TK2: variants seen among roughly 807,000 people sequenced by gnomAD.
TK2 encodes the protein thymidine kinase 2, mitochondrial.
In TK2, 35 loss-of-function variants were observed where a neutral mutation model predicts 41.9. The ratio of observed to expected loss-of-function variants is 0.84; its 90% CI spans 0.64 to 1.11. TK2 has a LOEUF of 1.11. Among genes scored for constraint, TK2 ranks in the 50% least tolerant of loss-of-function variants. The pLI, the probability that TK2 is intolerant of heterozygous loss-of-function variation, is 0.00. For synonymous variants in TK2, 128 were observed against 129.1 expected (o/e 0.99, Z 0.06); for missense variants, 320 against 351.1 (o/e 0.91, Z 0.71).
At chr16:66,534,019 A>AAAG (rs1432281264) in intron 4 of TK2, among the ~76,000 whole-genome samples, 1 of 151,198 alleles carries the variant, frequency 6.6e-6, no homozygotes, top group East Asian at 1.9e-4. Flanking sequence ...AAAAAAAAAA[A>AAAG]AAAAAAAAGA....
At chr16:66,538,276 C>T (rs1348442054) in intron 3 of TK2, among the ~76,000 whole-genome samples, 1 of 152,132 alleles carries the variant, frequency 6.6e-6, no homozygotes, top group Non-Finnish European at 1.5e-5. Context: ...GACCAGCATT[C>T]CCACCCCATT....
intron 6 of TK2, among the ~76,000 whole-genome samples, chr16:66,519,915 C>T (rs1964730769): frequency 6.6e-6 from 1 of 152,196 alleles, no homozygotes; most frequent in East Asian, 1.9e-4. Context: ...GTGAGGCAGG[C>T]ACTCTGGGAG....
chr16:66,549,345 G>C, intron 1 of TK2: 1 of 1,151,994 alleles, frequency 8.7e-7, no homozygotes, highest in Non-Finnish European at 1.1e-6. Context: ...GCGGTGCACG[G>C]GGAAGAGTGG....
rs1178715756 is a variant in TK2, at chr16:66,549,935, T to C, written c.124+3A>G. 2 of 1,353,506 alleles carry C rather than the reference T, an allele frequency of 1.5e-6. No individual in the cohort carries two copies. Among genetic ancestry groups the C allele is most frequent in the East Asian group, 3.0e-5 (1 of 33,890 alleles). 83.8% of individuals were successfully genotyped at this position (1,353,506 alleles called of 1,614,324 possible). A position where few individuals can be genotyped will look rare whatever the true frequency, so the allele number is the denominator to read the frequency against. ...TGGGAGGCGGGACCAAGACGCGCGT[T>C]ACCGGGAGGCCAGGCCCGGCGCTGC... On this transcript the variant is annotated splice_donor_region_variant and intron_variant, in intron 1 of 9. Transcript: ENST00000544898.
chr16:66,542,117 T>C (rs1456829390), intron 2 of TK2, among the ~76,000 whole-genome samples, 164 bp from the exon 3 acceptor site: 2 of 152,212 alleles, frequency 1.3e-5, no homozygotes, highest in Non-Finnish European at 2.9e-5. Flanking sequence ...AAGGTCCCAT[T>C]GTTAGTAATA....
chr16:66,520,675 G>A (rs933701735), intron 6 of TK2, among the ~76,000 whole-genome samples: 2 of 152,182 alleles, frequency 1.3e-5, no homozygotes, highest in African/African-American at 4.8e-5. Context: ...ATGAGGACAC[G>A]AACAGGATGC....
intron 6 of TK2, 115 bp downstream of exon 6, chr16:66,528,879 T>C (rs1965017932): frequency 3.1e-6 from 3 of 982,230 alleles, no homozygotes; most frequent in Non-Finnish European, 3.2e-6. Context: ...GCTATGGCAA[T>C]GGATAACTGA....
At position 66,518,159 on chromosome 16, in the gene TK2, T is replaced by C. The variant is rs2144357877; in HGVS notation, c.450-282A>G. The stretch of plus-strand genomic sequence containing the variant: ...GAACTCTAAGCAGAGAAAGGGACTT[T>C]AAAGCTTGTACCCTGAGAACAGAGA... On this transcript the variant is annotated intron_variant, in intron 6 of 9. Coordinates refer to ENST00000544898, the MANE Select transcript of TK2 (RefSeq NM_004614.5). 4.4e-6 allele frequency: 2 copies of C among 454,112 alleles called. 1 individual carries two copies. Among genetic ancestry groups the C allele is most frequent in the South Asian group, 4.1e-5 (2 of 48,716 alleles). The allele number at this position is 454,112 out of a possible 1,614,324, so 28.1% of individuals were successfully genotyped here. A position where few individuals can be genotyped will look rare whatever the true frequency, so the allele number is the denominator to read the frequency against.
chr16:66,549,904 G>A (rs1432923024), intron 1 of TK2, 34 bp downstream of exon 1: 8 of 1,339,352 alleles, frequency 6.0e-6, no homozygotes, highest in Non-Finnish European at 7.6e-6. Flanking sequence ...GGCGCATAGG[G>A]GCTCCTGGGA....
At chr16:66,545,347 G>A (rs1457976348) in intron 2 of TK2, among the ~76,000 whole-genome samples, 1 of 152,284 alleles carries the variant, frequency 6.6e-6, no homozygotes, top group Non-Finnish European at 1.5e-5. Flanking sequence ...TCCACAGGGA[G>A]AATCCAAATA....
intron 9 of TK2, among the ~76,000 whole-genome samples, chr16:66,512,365 C>A (rs375209886): frequency 7.9e-5 from 12 of 152,290 alleles, no homozygotes; most frequent in African/African-American, 2.9e-4. Flanking sequence ...GAGTTTGAGA[C>A]CAGCCTGGGC....
chr16:66,513,240 C>G (rs1204431108), intron 9 of TK2, among the ~76,000 whole-genome samples: 1 of 152,136 alleles, frequency 6.6e-6, no homozygotes, highest in Non-Finnish European at 1.5e-5. Context: ...AAAGTAAACA[C>G]AGGAACGCAG....
At position 66,549,978 on chromosome 16, in the gene TK2, G is replaced by T; in HGVS notation, c.84C>A (p.Gly28=). 6.7e-7 allele frequency: 1 copy of T among 1,499,628 alleles called. No homozygotes were observed. The highest frequency in any genetic ancestry group is 8.8e-7 in the Non-Finnish European group (1 of 1,132,072). 92.9% of individuals were successfully genotyped at this position (1,499,628 alleles called of 1,614,324 possible). ...GPGSRGSPAS[G]PGPRRVQRRA... is the part of the protein sequence containing the mutation. ...GGCGCTGCACCCTCCGCGGCCCGGG[G>T]CCTGAGGCCGGGCTCCCGCGACTTC... The change falls in exon 1 of 10, where the codon GGC becomes GGA. Residue 28 remains glycine (G), a synonymous_variant. Transcript: ENST00000544898.
intron 3 of TK2, among the ~76,000 whole-genome samples, chr16:66,541,240 T>C (rs1406348146): frequency 6.6e-6 from 1 of 152,178 alleles, no homozygotes; most frequent in African/African-American, 2.4e-5. Context: ...AATTCTGAAA[T>C]CTAAAACACT....
rs757132170 is a variant in TK2, at chr16:66,517,805, C to T, written c.522G>A (p.Val174=). Residue 174 remains valine (V), a synonymous_variant, in exon 7 of 10, where the codon GTG becomes GTA. Coordinates refer to ENST00000544898, the MANE Select transcript of TK2 (RefSeq NM_004614.5). The surrounding 1 kb of genome is among the most constrained non-coding windows in gnomAD (Gnocchi z 4.3). ...GCATCTCACCTATCAAATCAACAGA[C>T]ACGTCCATGTTCCTCAAGATCCAGT... ...WFDWILRNMD[V]SVDLIVYLRT... 6 of 1,613,998 alleles carry T rather than the reference C, an allele frequency of 3.7e-6. No individual in the cohort carries two copies. The African/African-American group carries it at 4.0e-5, about 11-fold the overall frequency.
chr16:66,542,755 C>T (rs777169023), intron 2 of TK2, among the ~76,000 whole-genome samples: 2 of 152,170 alleles, frequency 1.3e-5, no homozygotes, highest in Non-Finnish European at 2.9e-5. Context: ...TTCCAGGCAG[C>T]GGTTCTCAGC....
intron 6 of TK2, among the ~76,000 whole-genome samples, chr16:66,525,865 A>AG (rs1372329619): frequency 5.9e-5 from 9 of 152,232 alleles, no homozygotes; most frequent in Admixed American, 5.9e-4. Context: ...GCATTCTGGG[A>AG]GGGCCAGGGA....
intron 6 of TK2, among the ~76,000 whole-genome samples, chr16:66,528,103 C>T (rs974937511): frequency 2.6e-5 from 4 of 152,006 alleles, no homozygotes; most frequent in South Asian, 4.1e-4. Context: ...ACAGCGTGGT[C>T]GGGGAGGGCT....
rs1192320482 is a variant in TK2, at chr16:66,511,929, C to A, written c.*39G>T. 1.9e-6 allele frequency: 3 copies of A among 1,590,380 alleles called. No homozygotes were observed. Among genetic ancestry groups the A allele is most frequent in the East Asian group, 2.2e-5 (1 of 44,778 alleles). ...CTCCCAATAGCTAACTTGGCAGCAG[C>A]AGGCATTTTTCAGACATGAGCCATA... is the stretch of plus-strand genomic sequence containing the variant. On this transcript the variant is annotated 3_prime_UTR_variant, in exon 10 of 10. Coordinates refer to ENST00000544898, the MANE Select transcript of TK2 (RefSeq NM_004614.5).
Sources: allele counts gnomAD v4.1 joint callset (sites outside exome capture counted in the v4.1 genomes callset), GRCh38; gene constraint gnomAD v4.1.1; non-coding constraint Gnocchi (gnomAD v3.1); transcripts MANE v1.5; gene names NCBI Gene and HGNC (gene_info 2026-07-23, HGNC 2026-07-21).